SH3GL2: variants seen among roughly 807,000 people sequenced by gnomAD.
SH3GL2 encodes endophilin-A1.
A neutral mutation model predicts 46.0 loss-of-function variants in SH3GL2; 24 were observed. That is an observed-to-expected ratio of 0.52 (90% CI 0.38 to 0.73). The LOEUF is 0.73. SH3GL2 is among the 30% of genes least tolerant of loss of function. SH3GL2 has a pLI of 0.00. For missense variants in SH3GL2, 413 were observed against 424.2 expected (o/e 0.97, Z 0.23); for synonymous variants, 196 against 147.1 (o/e 1.33, Z -2.40).
intron 8 of SH3GL2, among the ~76,000 whole-genome samples, chr9:17,794,198 T>C (rs191363359): frequency 7.9e-5 from 12 of 152,312 alleles, no homozygotes; most frequent in Admixed American, 3.3e-4. Flanking sequence ...TACACGCAGA[T>C]TACACAACAG....
intron 1 of SH3GL2, among the ~76,000 whole-genome samples, chr9:17,668,034 A>G (rs1229635614): frequency 6.6e-6 from 1 of 152,208 alleles, no homozygotes; most frequent in African/African-American, 2.4e-5. Context: ...TCTGGACACT[A>G]GACTCTTGTC....
At chr9:17,673,283 G>C (rs1242244727) in intron 1 of SH3GL2, among the ~76,000 whole-genome samples, 1 of 151,674 alleles carries the variant, frequency 6.6e-6, no homozygotes, top group Admixed American at 6.6e-5. Context: ...CAAGTAGCTG[G>C]GACTACAGGC....
intron 3 of SH3GL2, among the ~76,000 whole-genome samples, chr9:17,771,124 A>T (rs570574829): frequency 6.6e-6 from 1 of 152,308 alleles, no homozygotes; most frequent in African/African-American, 2.4e-5. Context: ...TTTCAAGCAT[A>T]CAACTGTCTG....
At chr9:17,642,456 G>T (rs1001235337) in intron 1 of SH3GL2, among the ~76,000 whole-genome samples, 12 of 152,132 alleles carry the variant, frequency 7.9e-5, no homozygotes, top group Non-Finnish European at 1.5e-5. Context: ...GTATTACCTA[G>T]GTTTTCTTCT....
chr9:17,778,412 AAG>A (rs1226318583), intron 3 of SH3GL2, among the ~76,000 whole-genome samples: 1 of 152,104 alleles, frequency 6.6e-6, no homozygotes, highest in Non-Finnish European at 1.5e-5. Flanking sequence ...AATGAAGAGT[AAG>A]AGGGGGAGAG....
intron 3 of SH3GL2, among the ~76,000 whole-genome samples, chr9:17,766,593 G>T (rs1244060457): frequency 6.6e-6 from 1 of 152,106 alleles, no homozygotes; most frequent in African/African-American, 2.4e-5. Context: ...AGAGAAAGAT[G>T]AAATTGTCTT....
intron 1 of SH3GL2, among the ~76,000 whole-genome samples, chr9:17,588,248 G>T (rs906345645): frequency 1.3e-5 from 2 of 151,864 alleles, no homozygotes; most frequent in Non-Finnish European, 2.9e-5. Flanking sequence ...CATAAGCCAG[G>T]CCTGGAAGAG....
At chr9:17,597,923 T>G (rs1487504995) in intron 1 of SH3GL2, among the ~76,000 whole-genome samples, 2 of 152,178 alleles carry the variant, frequency 1.3e-5, no homozygotes, top group African/African-American at 4.8e-5. Flanking sequence ...ACCGCCAGGC[T>G]CTGTGCTGAG....
chr9:17,709,849 T>C (rs73422693), intron 1 of SH3GL2, among the ~76,000 whole-genome samples: 4,897 of 151,964 alleles, frequency 0.032, 211 homozygotes, highest in East Asian at 0.1. Context: ...TGTGGAAGGG[T>C]GCTGAAGACA....
At chr9:17,774,043 A>T (rs1233606874) in intron 3 of SH3GL2, among the ~76,000 whole-genome samples, 1 of 152,024 alleles carries the variant, frequency 6.6e-6, no homozygotes, top group African/African-American at 2.4e-5. Flanking sequence ...TGAGTATTTT[A>T]TTCTTTTTGA....
intron 1 of SH3GL2, among the ~76,000 whole-genome samples, chr9:17,630,675 A>C (rs1563789791): frequency 6.6e-6 from 1 of 152,234 alleles, no homozygotes; most frequent in Admixed American, 6.5e-5. Flanking sequence ...GGGCAGGCCA[A>C]AGATGCACTG....
At chr9:17,750,022 AT>A (rs1822800678) in intron 2 of SH3GL2, among the ~76,000 whole-genome samples, 1 of 152,046 alleles carries the variant, frequency 6.6e-6, no homozygotes, top group South Asian at 2.1e-4. Flanking sequence ...CAGTGTGGCA[AT>A]TGTTTTACTC....
At chr9:17,669,787 A>C (rs1388398406) in intron 1 of SH3GL2, among the ~76,000 whole-genome samples, 1 of 152,124 alleles carries the variant, frequency 6.6e-6, no homozygotes, top group Non-Finnish European at 1.5e-5. Context: ...GATTGTATTG[A>C]AGTGGCCTTG....
rs547980677 is a variant in SH3GL2, at chr9:17,757,920, G to A, written c.115-3517G>A. ...CATTCAGGGGTCTCATGGGGTTATG[G>A]CCCTCAGCTTGTCTCTGGCTGACAC... is the stretch of plus-strand genomic sequence containing the variant. On this transcript the variant is annotated intron_variant, in intron 2 of 8. Transcript: ENST00000380607. Among the ~76,000 whole-genome samples, 159 of 152,246 alleles carry A rather than the reference G, an allele frequency of 1.0e-3. 2 individuals carry two copies. The highest frequency in any genetic ancestry group is 3.1e-3 in the Admixed American group (48 of 15,286).
chr9:17,710,668 TGTG>T (rs1821596331), intron 1 of SH3GL2, among the ~76,000 whole-genome samples: 2 of 152,004 alleles, frequency 1.3e-5, no homozygotes, highest in Admixed American at 1.3e-4. Flanking sequence ...ATAAACAAAA[TGTG>T]GTATATATAT....
At chr9:17,722,512 CTTA>C (rs935864208) in intron 1 of SH3GL2, among the ~76,000 whole-genome samples, 4 of 151,430 alleles carry the variant, frequency 2.6e-5, no homozygotes, top group African/African-American at 9.7e-5. Context: ...ATTTTTTTTT[CTTA>C]TTTTTTTATT....
intron 1 of SH3GL2, among the ~76,000 whole-genome samples, chr9:17,696,066 C>T (rs1821195156): frequency 6.6e-6 from 1 of 152,134 alleles, no homozygotes; most frequent in South Asian, 2.1e-4. Flanking sequence ...CCCCGAGCCT[C>T]TCTTTTCTCA....
At position 17,791,242 on chromosome 9, in the gene SH3GL2, G is replaced by C; in HGVS notation, c.636G>C (p.Val212=). Residue 212 remains valine (V), a synonymous_variant, in exon 7 of 9, where the codon GTG becomes GTC. Transcript: ENST00000380607. ...FNLLEMDIEQ[V]SQLSALVQAQ... ...CCATCAATCTGCAGATTGAACAAGT[G>C]AGCCAGCTCTCTGCACTTGTGCAAG... 1 of 1,612,974 alleles carries C rather than the reference G, an allele frequency of 6.2e-7. No individual in the cohort carries two copies. The highest frequency in any genetic ancestry group is 8.5e-7 in the Non-Finnish European group (1 of 1,179,020).
intron 1 of SH3GL2, among the ~76,000 whole-genome samples, chr9:17,718,932 A>G (rs1821826623): frequency 6.6e-6 from 1 of 152,038 alleles, no homozygotes; most frequent in South Asian, 2.1e-4. Flanking sequence ...GTGACCTTGT[A>G]TTTATTCTGC....
Sources: gnomAD v4.1 joint callset for allele counts (sites outside exome capture counted in the v4.1 genomes callset) on GRCh38, gnomAD v4.1.1 for gene constraint, MANE v1.5 for transcripts, NCBI Gene and HGNC (gene_info 2026-07-23, HGNC 2026-07-21) for gene names.